MTSS1: variants seen among roughly 807,000 people sequenced by gnomAD.
MTSS1 encodes MTSS I-BAR domain containing 1, also known as protein MTSS 1.
A neutral mutation model predicts 79.0 loss-of-function variants in MTSS1; 18 were observed. That is an observed-to-expected ratio of 0.23 (90% CI 0.16 to 0.34). The LOEUF is 0.34. MTSS1 is among the 10% of genes least tolerant of loss of function. The pLI, the probability that MTSS1 is intolerant of heterozygous loss-of-function variation, is 1.00. For missense variants in MTSS1, 815 were observed against 986.2 expected, an observed-to-expected ratio of 0.83 and a Z score of 2.33; for synonymous variants, 341 against 368.6, an observed-to-expected ratio of 0.93 and a Z score of 0.86.
chr8:124,614,797 C>T (rs1053826647), intron 3 of MTSS1, among the ~76,000 whole-genome samples: 3 of 152,200 alleles, frequency 2.0e-5, no homozygotes, highest in African/African-American at 7.2e-5. Flanking sequence ...AAGGAAGAGG[C>T]TCCTGCCTTT....
intron 1 of MTSS1, among the ~76,000 whole-genome samples, chr8:124,712,174 C>T (rs1831265367): frequency 6.6e-6 from 1 of 152,132 alleles, no homozygotes; most frequent in Admixed American, 6.5e-5. Flanking sequence ...TGGTCTTCTT[C>T]TACCAGGAGA....
intron 3 of MTSS1, among the ~76,000 whole-genome samples, chr8:124,657,718 T>TA (rs1563945122): frequency 6.6e-6 from 1 of 152,202 alleles, no homozygotes. Flanking sequence ...CTTCTGATGA[T>TA]ACACAGTGCC....
At chr8:124,712,266 G>A (rs750793646) in intron 1 of MTSS1, among the ~76,000 whole-genome samples, 2 of 152,160 alleles carry the variant, frequency 1.3e-5, no homozygotes, top group Non-Finnish European at 2.9e-5. Context: ...TCCCAGGTCT[G>A]CGGAGACCTC....
chr8:124,605,791 T>G (rs1200862839), intron 3 of MTSS1, among the ~76,000 whole-genome samples: 1 of 152,174 alleles, frequency 6.6e-6, no homozygotes, highest in Non-Finnish European at 1.5e-5. Flanking sequence ...TGCCAGAATA[T>G]AGCGACTTTA....
rs375713056 is a variant in MTSS1 at position 124,698,432 on chromosome 8, T to A, written c.208+1094A>T. On this transcript the variant is annotated intron_variant, in intron 3 of 13. Transcript: ENST00000518547. ...GCAGAAGAGAGTAGCTGCATTGCAA[T>A]GAAAAGGAAATCACCCTCCTCCCTT... Among the ~76,000 whole-genome samples the A allele has an allele frequency of 2.2e-4, 33 of 151,608 alleles. No individual in the cohort carries two copies. The South Asian group carries it at 5.0e-3, about 23-fold the overall frequency.
At chr8:124,589,569 C>T in intron 5 of MTSS1, 51 bp downstream of exon 5, 1 of 1,475,752 alleles carries the variant, frequency 6.8e-7, no homozygotes, top group Non-Finnish European at 9.3e-7. Flanking sequence ...TGGCAACTTC[C>T]CACAGCGCCC....
At chr8:124,558,876 A>G (rs1041687967) in intron 10 of MTSS1, 2 of 1,513,516 alleles carry the variant, frequency 1.3e-6, no homozygotes, top group African/African-American at 2.8e-5. Context: ...ACAGAAACCG[A>G]GCCACACACC....
Position 124,568,400 on chromosome 8 carries a change from G to T in MTSS1, c.597C>A (p.Ile199=). ...TTACAATCACTGGCCGCAGCATAGA[G>T]ATGAAGGTACAGAATCGGCCACGTT... ...IEERGRFCTF[I]SMLRPVIEEE... The change falls in exon 7 of 14, where the codon ATC becomes ATA. Residue 199 remains isoleucine (I), a synonymous_variant. Transcript: ENST00000518547. 6.2e-7 allele frequency: 1 copy of T among 1,614,024 alleles called. No individual in the cohort carries two copies. The highest frequency in any genetic ancestry group is 8.5e-7 in the Non-Finnish European group (1 of 1,179,878).
At chr8:124,656,701 C>A (rs1285126265) in intron 3 of MTSS1, among the ~76,000 whole-genome samples, 3 of 149,574 alleles carry the variant, frequency 2.0e-5, no homozygotes, top group Admixed American at 2.0e-4. Context: ...TTGCTTGAAC[C>A]CAGGTGGTAG....
intron 3 of MTSS1, among the ~76,000 whole-genome samples, chr8:124,617,197 T>C (rs1837031678): frequency 6.6e-6 from 1 of 151,902 alleles, no homozygotes; most frequent in Non-Finnish European, 1.5e-5. Context: ...GCAAGAAAAA[T>C]GATTTTCAGG....
Position 124,619,261 on chromosome 8 carries a change from GC to G in MTSS1, c.209-28027del, listed in dbSNP as rs1470901089. 3 of 152,362 alleles carry G rather than the reference GC, an allele frequency of 2.0e-5. No homozygotes were observed. In the East Asian group the frequency reaches 5.8e-4, roughly 29 times the overall value. The allele number at this position is 152,362 out of a possible 1,614,324, so 9.4% of individuals were successfully genotyped here. A position where few individuals can be genotyped will look rare whatever the true frequency, so the allele number is the denominator to read the frequency against. On this transcript the variant is annotated intron_variant, in intron 3 of 13. Coordinates refer to ENST00000518547, the MANE Select transcript of MTSS1 (RefSeq NM_014751.6). Reference sequence around the variant, plus strand: ...CAGCTTCTGTACACACCGTTCAGCTGCTTACCTCCCAGCTTCTGTACACTCC... The same window carrying G: ...CAGCTTCTGTACACACCGTTCAGCTGTTACCTCCCAGCTTCTGTACACTCC...
intron 3 of MTSS1, among the ~76,000 whole-genome samples, chr8:124,643,421 G>A (rs1213978851): frequency 2.6e-5 from 4 of 151,938 alleles, no homozygotes; most frequent in Non-Finnish European, 2.9e-5. Context: ...AATCTAGCCC[G>A]GCGCAGTGGC....
chr8:124,551,516 A>T lies in MTSS1; in HGVS notation c.*1476T>A, dbSNP rs369321116. 8.5e-5 allele frequency: 13 copies of T among 152,792 alleles called. No individual in the cohort carries two copies. The highest frequency in any genetic ancestry group is 3.1e-4 in the African/African-American group (13 of 41,578). 9.5% of individuals were successfully genotyped at this position (152,792 alleles called of 1,614,324 possible). A position where few individuals can be genotyped will look rare whatever the true frequency, so the allele number is the denominator to read the frequency against. ...ATTAGGTAATTGAGGGTTAGAGCCA[A>T]CAGGAATCTGCAGGGTGTATGAAAC... is the stretch of plus-strand genomic sequence containing the variant. On this transcript the variant is annotated 3_prime_UTR_variant, in exon 14 of 14. Transcript: ENST00000518547.
intron 6 of MTSS1, chr8:124,580,292 A>G (rs1176324959): frequency 4.4e-6 from 2 of 458,846 alleles, no homozygotes; most frequent in East Asian, 3.6e-5. Flanking sequence ...CATGAGTCTA[A>G]TATTGAATTA....
chr8:124,649,090 T>C (rs1819505670), intron 3 of MTSS1, among the ~76,000 whole-genome samples: 1 of 152,250 alleles, frequency 6.6e-6, no homozygotes, highest in Non-Finnish European at 1.5e-5. Context: ...GACCAAACCC[T>C]AAATCAAGAG....
chr8:124,570,475 A>C (rs912665469), intron 6 of MTSS1, among the ~76,000 whole-genome samples: 2 of 152,230 alleles, frequency 1.3e-5, no homozygotes, highest in Non-Finnish European at 2.9e-5. Context: ...CTTTTATTAC[A>C]GTATATTGTT....
At chr8:124,680,132 T>C (rs1465332342) in intron 3 of MTSS1, among the ~76,000 whole-genome samples, 1 of 152,226 alleles carries the variant, frequency 6.6e-6, no homozygotes, top group Non-Finnish European at 1.5e-5. Context: ...CAGTGTTCAA[T>C]ACATGAAGCA....
Position 124,562,845 on chromosome 8 carries a change from G to A in MTSS1, c.972C>T (p.Phe324=). ...LSSVSSHDSG[F]ISQDAFQSKS... is the part of the protein sequence containing the mutation. ...TGGACTGGAAGGCATCCTGGGATAT[G>A]AATCCTGAGTCATGGGAGGACACGC... The change falls in exon 10 of 14, where the codon TTC becomes TTT. Residue 324 remains phenylalanine (F), a synonymous_variant. Transcript: ENST00000518547. 2 of 1,614,164 alleles carry A rather than the reference G, an allele frequency of 1.2e-6. No individual in the cohort carries two copies.
chr8:124,715,849 C>A (rs1442895761), intron 1 of MTSS1, among the ~76,000 whole-genome samples: 1 of 152,164 alleles, frequency 6.6e-6, no homozygotes, highest in Non-Finnish European at 1.5e-5. Context: ...CACTGGGTGA[C>A]CCTGGGCAAG....
Sources: gnomAD v4.1 joint callset for allele counts (sites outside exome capture counted in the v4.1 genomes callset) on GRCh38, gnomAD v4.1.1 for gene constraint, MANE v1.5 for transcripts, NCBI Gene and HGNC (gene_info 2026-07-23, HGNC 2026-07-21) for gene names.